Variants in COL6A2 observed in about 807,000 individuals in gnomAD.
COL6A2 encodes collagen alpha-2(VI) chain.
Under a neutral mutation model 124.9 loss-of-function variants are expected in COL6A2, and 90 were observed. The ratio of observed to expected loss-of-function variants is 0.72; its 90% CI spans 0.61 to 0.86. The LOEUF (loss-of-function observed/expected upper bound fraction) is 0.86, where lower values mean the gene tolerates loss of function less well. Ranked by LOEUF, COL6A2 falls within the 40% of genes least tolerant of loss-of-function variation. The probability of loss-of-function intolerance (pLI) is 0.00; values close to 1 mark genes in which losing one functional copy is unlikely to be tolerated. For synonymous variants in COL6A2, 793 were observed against 618.2 expected (o/e 1.28, Z -4.19); for missense variants, 1,607 against 1,502.5 (o/e 1.07, Z -1.15).
At chr21:46,128,051 ATC>A (rs1162399077) in intron 27 of COL6A2, among the ~76,000 whole-genome samples, 1 of 152,020 alleles carries the variant, frequency 6.6e-6, no homozygotes, top group Non-Finnish European at 1.5e-5. Flanking sequence ...TTTTCTCGTG[ATC>A]TCTCTGGTTC....
At chr21:46,128,994 C>T (rs2078718228) in intron 27 of COL6A2, 4 of 1,605,506 alleles carry the variant, frequency 2.5e-6, no homozygotes, top group Non-Finnish European at 2.5e-6. Flanking sequence ...AGCTCCCTGC[C>T]AGCTTCCTGT....
intron 16 of COL6A2, among the ~76,000 whole-genome samples, 200 bp downstream of exon 16, chr21:46,120,777 G>T (rs1168154417): frequency 6.6e-6 from 1 of 151,820 alleles, no homozygotes; most frequent in Non-Finnish European, 1.5e-5. Flanking sequence ...CCCAAGGTAA[G>T]GGACCAAGGC....
At chr21:46,106,081 C>T (rs2078332801) in intron 1 of COL6A2, among the ~76,000 whole-genome samples, 1 of 152,056 alleles carries the variant, frequency 6.6e-6, no homozygotes, top group South Asian at 2.1e-4. Flanking sequence ...GCAAGAGTGG[C>T]TATACTAATA....
chr21:46,124,357 G>A (rs2078626238), intron 21 of COL6A2, among the ~76,000 whole-genome samples: 1 of 152,104 alleles, frequency 6.6e-6, no homozygotes, highest in Non-Finnish European at 1.5e-5. Context: ...ATAATGGGGT[G>A]GAATACCCAT....
chr21:46,121,067 C>T lies in COL6A2; in HGVS notation c.1402C>T (p.Arg468Ter), dbSNP rs374669775. ...EVGNKGAKGD[R>*]GLPGPRGPQG... ...TTCCTCCCCTTTCTTCCAGGGAGACCGAGGCTTGCCTGGACCCAGAGGCCC... is the reference window on the plus strand; with the variant it reads ...TTCCTCCCCTTTCTTCCAGGGAGACTGAGGCTTGCCTGGACCCAGAGGCCC... The change falls in exon 17 of 28, where the codon CGA (arginine) becomes TGA (stop). Residue 468 changes from arginine (R) to a stop codon, truncating the protein, a stop_gained. Coordinates refer to ENST00000300527, the MANE Select transcript of COL6A2 (RefSeq NM_001849.4). LOFTEE classifies it high-confidence loss of function. 8.1e-6 allele frequency: 13 copies of T among 1,612,716 alleles called. No individual in the cohort carries two copies. Among genetic ancestry groups the T allele is most frequent in the African/African-American group, 1.3e-5 (1 of 75,014 alleles).
intron 20 of COL6A2, 80 bp from the exon 21 acceptor site, chr21:46,122,795 T>C: frequency 1.4e-6 from 2 of 1,439,884 alleles, no homozygotes; most frequent in Non-Finnish European, 2.0e-6. Context: ...CCAGATCGAT[T>C]TTTCCACATA....
At position 46,130,147 on chromosome 21, in the gene COL6A2, G is replaced by T. The variant is rs190300524; in HGVS notation, c.2462-1807G>T. Reference sequence around the variant, plus strand: ...AAGCTGGCAGTCCTGGCACCATGACGTATCTGGGCTGGTGTCATGCACAGT... The same window carrying T: ...AAGCTGGCAGTCCTGGCACCATGACTTATCTGGGCTGGTGTCATGCACAGT... On this transcript the variant is annotated intron_variant, in intron 27 of 27. Coordinates refer to ENST00000300527, the MANE Select transcript of COL6A2 (RefSeq NM_001849.4). Among the ~76,000 whole-genome samples the T allele has an allele frequency of 1.2e-4, 18 of 152,330 alleles. No individual in the cohort carries two copies. In the South Asian group the frequency reaches 3.7e-3, roughly 32 times the overall value.
chr21:46,116,417 C>T lies in COL6A2; in HGVS notation c.927+14C>T, dbSNP rs370721078. ...AAAGGAGAGAAGGTGAGGCTCTTGC[C>T]CTGACAGACCTCAGACCTGCGCCAG... On this transcript the variant is annotated intron_variant, in intron 8 of 27. Coordinates refer to ENST00000300527, the MANE Select transcript of COL6A2 (RefSeq NM_001849.4). The surrounding 1 kb of genome is among the most constrained non-coding windows in gnomAD (Gnocchi z 4.6). 4.5e-5 allele frequency: 72 copies of T among 1,612,704 alleles called. 1 individual carries two copies. The African/African-American group carries it at 4.9e-4, about 11-fold the overall frequency.
intron 13 of COL6A2, 75 bp from the exon 14 acceptor site, chr21:46,118,955 C>T: frequency 3.3e-6 from 4 of 1,219,024 alleles, no homozygotes; most frequent in South Asian, 1.2e-5. Flanking sequence ...GGGCTCCACA[C>T]CACACACCGC....
intron 1 of COL6A2, among the ~76,000 whole-genome samples, chr21:46,110,503 C>T (rs574074098): frequency 6.6e-6 from 1 of 152,178 alleles, no homozygotes; most frequent in Non-Finnish European, 1.5e-5. Flanking sequence ...CCTTTGGGAA[C>T]GGACTTCATT....
At chr21:46,098,745 C>A (rs1257453981) in intron 1 of COL6A2, 2 of 151,904 alleles carry the variant, frequency 1.3e-5, no homozygotes, top group East Asian at 1.9e-4. Context: ...GCGCCCCTCC[C>A]GGCCTGGAGC....
intron 1 of COL6A2, among the ~76,000 whole-genome samples, chr21:46,109,129 G>A (rs1033765580): frequency 1.3e-5 from 2 of 152,070 alleles, no homozygotes; most frequent in African/African-American, 4.8e-5. Flanking sequence ...GGAGGCCCTC[G>A]AGAGCGTGTC....
Position 46,122,878 on chromosome 21 carries a change from G to C in COL6A2, c.1612G>C (p.Gly538Arg), listed in dbSNP as rs886044032. 1.2e-6 allele frequency: 2 copies of C among 1,613,342 alleles called. No homozygotes were observed. ...TAACATGTGTTCCCTGTCACAGGGA[G>C]GCCGAGGCGACTTTGGCTTGAAAGG... The part of the protein sequence containing the change: ...GEPGPRGPEG[G>R]RGDFGLKGEP... Residue 538 changes from glycine (G) to arginine (R), a missense_variant, in exon 21 of 28, where the codon GGC becomes CGC. Gly to Arg is a moderately radical substitution (Grantham distance 125). Transcript: ENST00000300527.
rs932129947 is a variant in COL6A2 at position 46,112,113 on chromosome 21, G to A, written c.250G>A (p.Glu84Lys). 6.2e-6 allele frequency: 10 copies of A among 1,613,098 alleles called. No individual in the cohort carries two copies. In the East Asian group the frequency reaches 1.3e-4, roughly 22 times the overall value. ...GCAGTTCATCAGCCAGCTGCAGAAC[G>A]AGTTCTACCTGGACCAGGTGGCGCT... ...VPQFISQLQN[E>K]FYLDQVALSW... is the part of the protein sequence containing the mutation. Residue 84 changes from glutamate to lysine, a missense_variant, in exon 3 of 28, where the codon GAG becomes AAG. By Grantham distance (56) the Glu-to-Lys change is moderately conservative. Around this residue, in one of 3 missense-constraint regions of COL6A2, gnomAD observed 342 missense variants for 381.5 expected, o/e 0.90. Coordinates refer to ENST00000300527, the MANE Select transcript of COL6A2 (RefSeq NM_001849.4).
At chr21:46,131,896 ACCTGCCCGGT>A (rs1008322571) in intron 27 of COL6A2, 48 bp from the exon 28 acceptor site, 56 of 1,482,476 alleles carry the variant, frequency 3.8e-5, no homozygotes, top group Non-Finnish European at 4.8e-5. Context: ...CGGGGCTGGC[ACCTGCCCGGT>A]CCTGCCCACC....
Position 46,111,558 on chromosome 21 carries a change from C to T in COL6A2, c.82C>T (p.Pro28Ser), listed in dbSNP as rs770089592. Residue 28 changes from proline (P) to serine (S), a missense_variant, in exon 2 of 28, where the codon CCG (proline) becomes TCG (serine). By Grantham distance (74) the Pro-to-Ser change is moderately conservative. This residue lies in a region of COL6A2 where 342 missense variants were observed against 381.5 expected (regional missense o/e 0.90). Transcript: ENST00000300527. The part of the protein sequence containing the change: ...IQAQQQEVIS[P>S]DTTERNNNCP... ...GGCCCAGCAGCAGGAGGTCATCTCG[C>T]CGGACACTACCGAGAGAAACAACAA... The T allele has an allele frequency of 6.8e-6, 11 of 1,612,718 alleles. No individual in the cohort carries two copies. The highest frequency in any genetic ancestry group is 1.3e-5 in the African/African-American group (1 of 74,886).
intron 11 of COL6A2, 70 bp downstream of exon 11, chr21:46,117,523 T>C (rs1256266328): frequency 6.7e-7 from 1 of 1,481,584 alleles, no homozygotes; most frequent in Non-Finnish European, 9.4e-7. Flanking sequence ...GGTGGGAGGG[T>C]AGTTGCTGCT....
intron 20 of COL6A2, 36 bp downstream of exon 20, chr21:46,122,567 G>C: frequency 1.2e-6 from 2 of 1,611,022 alleles, no homozygotes; most frequent in Non-Finnish European, 1.7e-6. Flanking sequence ...GCCCACCCAG[G>C]GTGGGGGTCT....
In COL6A2 at chr21:46,125,547, G is replaced by A. The variant is rs189341312; in HGVS notation, c.1899G>A (p.Leu633=). 110 of 1,612,968 alleles carry A rather than the reference G, an allele frequency of 6.8e-5. No individual in the cohort carries two copies. The Admixed American group carries it at 1.7e-3, about 26-fold the overall frequency. Residue 633 remains leucine, a synonymous_variant, in exon 25 of 28, where the codon CTG becomes CTA. Coordinates refer to ENST00000300527, the MANE Select transcript of COL6A2 (RefSeq NM_001849.4). The stretch of plus-strand genomic sequence containing the variant: ...GCATTGGGTACACCAACTTCACACT[G>A]GAGAAGAACTTCGTCATCAACGTGG... ...SESIGYTNFT[L]EKNFVINVVN...
Sources: gnomAD v4.1 joint callset for allele counts (sites outside exome capture counted in the v4.1 genomes callset) on GRCh38, gnomAD v4.1.1 for gene constraint, gnomAD v4.1.1 regional missense constraint, Gnocchi (gnomAD v3.1) non-coding constraint, MANE v1.5 for transcripts, NCBI Gene and HGNC (gene_info 2026-07-23, HGNC 2026-07-21) for gene names.